The following IFT88 variants were observed in gnomAD, a reference collection of about 807,000 sequenced individuals.
IFT88 encodes intraflagellar transport 88, also known as intraflagellar transport protein 88 homolog.
In IFT88, 74 loss-of-function variants were observed where a neutral mutation model predicts 119.5. The observed-to-expected ratio is 0.62, with a 90% CI of 0.51 to 0.75. IFT88 has a LOEUF of 0.75. Ranked by LOEUF, IFT88 falls within the 30% of genes least tolerant of loss-of-function variation. IFT88 has a pLI of 0.00. For synonymous variants in IFT88, 279 were observed against 316.7 expected, an observed-to-expected ratio of 0.88 and a Z score of 1.26; for missense variants, 961 against 977.7, an observed-to-expected ratio of 0.98 and a Z score of 0.23.
At chr13:20,604,137 G>A (rs530995772) in intron 12 of IFT88, among the ~76,000 whole-genome samples, 1 of 152,286 alleles carries the variant, frequency 6.6e-6, no homozygotes, top group South Asian at 2.1e-4. Context: ...ACCTACTCGA[G>A]AAGCTGAGTG....
intron 17 of IFT88, among the ~76,000 whole-genome samples, 192 bp downstream of exon 17, chr13:20,638,710 A>G (rs534213132): frequency 1.3e-5 from 2 of 152,356 alleles, no homozygotes; most frequent in East Asian, 3.9e-4. Context: ...AGCTATGCAC[A>G]TGCAAAATTT....
At chr13:20,592,179 A>G (rs2040795863) in intron 6 of IFT88, among the ~76,000 whole-genome samples, 156 bp from the exon 7 acceptor site, 2 of 152,194 alleles carry the variant, frequency 1.3e-5, no homozygotes, top group Non-Finnish European at 2.9e-5. Context: ...TGAAATGTTT[A>G]TGTAGACACA....
intron 20 of IFT88, among the ~76,000 whole-genome samples, chr13:20,653,445 A>C (rs1345529022): frequency 6.6e-6 from 1 of 152,222 alleles, no homozygotes; most frequent in Non-Finnish European, 1.5e-5. Context: ...AAAAGGGATT[A>C]GTAGAATTTT....
intron 10 of IFT88, among the ~76,000 whole-genome samples, chr13:20,599,125 A>G (rs2042205393): frequency 6.6e-6 from 1 of 152,146 alleles, no homozygotes; most frequent in East Asian, 1.9e-4. Context: ...TTCCTTTAAT[A>G]TTATTAAAAT....
At chr13:20,592,465 C>A in intron 7 of IFT88, 61 bp downstream of exon 7, 3 of 1,345,936 alleles carry the variant, frequency 2.2e-6, no homozygotes, top group Non-Finnish European at 3.1e-6. Flanking sequence ...TTTTTATTTT[C>A]CAAATACACA....
intron 23 of IFT88, among the ~76,000 whole-genome samples, chr13:20,665,514 T>C (rs940867096): frequency 5.3e-5 from 8 of 152,240 alleles, no homozygotes; most frequent in African/African-American, 1.9e-4. Context: ...AAGAATGTCT[T>C]GTACAATTTA....
At chr13:20,647,116 T>C (rs2050876948) in intron 20 of IFT88, among the ~76,000 whole-genome samples, 1 of 152,322 alleles carries the variant, frequency 6.6e-6, no homozygotes, top group South Asian at 2.1e-4. Context: ...TCCCAGAATA[T>C]AGAAGCCTTT....
At chr13:20,587,297 G>T (rs2039857594) in intron 3 of IFT88, among the ~76,000 whole-genome samples, 2 of 149,650 alleles carry the variant, frequency 1.3e-5, no homozygotes, top group African/African-American at 4.9e-5. Context: ...TCACTCTTTT[G>T]CCCAGGCTGG....
At chr13:20,610,850 T>C (rs182229228) in intron 13 of IFT88, among the ~76,000 whole-genome samples, 80 of 152,268 alleles carry the variant, frequency 5.3e-4, no homozygotes, top group African/African-American at 1.8e-3. Flanking sequence ...ATTAATATTA[T>C]ACAGGTGGCC....
At chr13:20,687,508 T>C (rs2141289211) in intron 24 of IFT88, among the ~76,000 whole-genome samples, 1 of 152,326 alleles carries the variant, frequency 6.6e-6, no homozygotes, top group East Asian at 1.9e-4. Context: ...TGTCACCAAC[T>C]ATGCACTCTT....
chr13:20,601,235 A>T (rs2042549717), intron 11 of IFT88, among the ~76,000 whole-genome samples: 1 of 152,246 alleles, frequency 6.6e-6, no homozygotes, highest in South Asian at 2.1e-4. Flanking sequence ...GCGTGGTGGC[A>T]TGTGCCTATA....
chr13:20,592,475 A>T (rs1328805847), intron 7 of IFT88, 71 bp downstream of exon 7: 10 of 1,279,604 alleles, frequency 7.8e-6, no homozygotes, highest in Admixed American at 6.8e-5. Context: ...CCAAATACAC[A>T]ATTTTTTTTT....
Position 20,690,805 on chromosome 13 carries a change from C to T in IFT88, c.2343C>T (p.Asn781=). ...GTNEPYESSS[N]KEIDASYVDP... ...ATGAACCTTATGAAAGTAGCAGTAA[C>T]AAAGAAATAGGCAAGTACTCTCCAC... The change falls in exon 25 of 26, where the codon AAC becomes AAT. Residue 781 remains asparagine, a synonymous_variant. Transcript: ENST00000351808. 2.5e-6 allele frequency: 4 copies of T among 1,610,474 alleles called. No individual in the cohort carries two copies. Among genetic ancestry groups the T allele is most frequent in the Non-Finnish European group, 3.4e-6 (4 of 1,176,778 alleles).
chr13:20,615,787 A>T lies in IFT88; in HGVS notation c.1113-6A>T, dbSNP rs1028969483. On this transcript the variant is annotated splice_polypyrimidine_tract_variant and splice_region_variant and intron_variant, in intron 13 of 25. Transcript: ENST00000351808. ...TAAATACAACTTTTTGGTTTATTTGATATAGGAAAGCCATGGCAGAAAAAT... is the reference window on the plus strand; with the variant it reads ...TAAATACAACTTTTTGGTTTATTTGTTATAGGAAAGCCATGGCAGAAAAAT... 6.4e-7 allele frequency: 1 copy of T among 1,559,240 alleles called. No individual in the cohort carries two copies. Among genetic ancestry groups the T allele is most frequent in the African/African-American group, 1.4e-5 (1 of 72,630 alleles).
At chr13:20,609,217 G>T (rs747665120) in intron 13 of IFT88, among the ~76,000 whole-genome samples, 4 of 152,148 alleles carry the variant, frequency 2.6e-5, no homozygotes, top group African/African-American at 9.7e-5. Flanking sequence ...ACACATTTGG[G>T]TATTTAGTAG....
intron 22 of IFT88, among the ~76,000 whole-genome samples, chr13:20,659,156 A>T (rs1297872571): frequency 6.6e-6 from 1 of 152,178 alleles, no homozygotes; most frequent in Non-Finnish European, 1.5e-5. Context: ...TGATGTACTA[A>T]ATTTCAGAGA....
At chr13:20,604,946 G>C (rs1040826024) in intron 12 of IFT88, 89 bp from the exon 13 acceptor site, 4 of 645,468 alleles carry the variant, frequency 6.2e-6, no homozygotes, top group Non-Finnish European at 1.1e-5. Context: ...ATAGAGTGAG[G>C]CTGTATCTCA....
chr13:20,631,032 A>C lies in IFT88; in HGVS notation c.1316A>C (p.Lys439Thr), dbSNP rs2048130258. The C allele has an allele frequency of 6.3e-7, 1 of 1,592,666 alleles. No individual in the cohort carries two copies. The highest frequency in any genetic ancestry group is 1.3e-5 in the African/African-American group (1 of 74,684). The change falls in exon 16 of 26, where the codon AAA becomes ACA. Residue 439 changes from lysine (K) to threonine (T), a missense_variant. Lys to Thr is a moderately conservative substitution (Grantham distance 78). Coordinates refer to ENST00000351808, the MANE Select transcript of IFT88 (RefSeq NM_006531.5). Reference protein sequence around the residue: ...KDYNQAVEILKVLEKKDSRVK... With the variant: ...KDYNQAVEILTVLEKKDSRVK... ...CATTTCTAGGCTGTAGAGATCTTAA[A>C]AGTGTTGGAAAAAAAGGACAGTAGA...
At chr13:20,598,192 TA>T in intron 9 of IFT88, among the ~76,000 whole-genome samples, 1 of 152,326 alleles carries the variant, frequency 6.6e-6, no homozygotes. Context: ...GATCATTTTT[TA>T]CCTTTAGGAA....
Sources: gnomAD v4.1 joint callset for allele counts (sites outside exome capture counted in the v4.1 genomes callset) on GRCh38, gnomAD v4.1.1 for gene constraint, MANE v1.5 for transcripts, NCBI Gene and HGNC (gene_info 2026-07-23, HGNC 2026-07-21) for gene names.